COL28A1: variants seen among roughly 807,000 people sequenced by gnomAD.
COL28A1 encodes collagen alpha-1(XXVIII) chain.
A neutral mutation model predicts 150.2 loss-of-function variants in COL28A1; 161 were observed. That is an observed-to-expected ratio of 1.07 (90% CI 0.94 to 1.22). The LOEUF is 1.22. Among genes scored for constraint, COL28A1 ranks in the 50% most tolerant of loss-of-function variants. COL28A1 has a pLI of 0.00. For synonymous variants in COL28A1, 552 were observed against 469.7 expected (o/e 1.18, Z -2.26); for missense variants, 1,617 against 1,388.3 (o/e 1.16, Z -2.62).
At chr7:7,345,283 TA>T in the COL28A1 span, among the ~76,000 whole-genome samples, 6,552 of 151,310 alleles carry the variant, frequency 0.043, 156 homozygotes, top group African/African-American at 0.057. Flanking sequence ...GCAGAAACTT[TA>T]AAAAAAAAGC....
intron 13 of COL28A1, among the ~76,000 whole-genome samples, chr7:7,487,019 A>G (rs1227519527): frequency 6.6e-6 from 1 of 152,200 alleles, no homozygotes; most frequent in Admixed American, 6.5e-5. Context: ...ACTTTACTGT[A>G]TCCATAATGT....
At chr7:7,539,736 C>T (rs1285886610), upstream of COL28A1, among the ~76,000 whole-genome samples, 1 of 152,084 alleles carries the variant, frequency 6.6e-6, no homozygotes, top group Non-Finnish European at 1.5e-5. Flanking sequence ...TTGATCCTTC[C>T]ACATTCCCTC....
At chr7:7,418,398 T>C (rs928965351) in intron 26 of COL28A1, among the ~76,000 whole-genome samples, 15 of 152,328 alleles carry the variant, frequency 9.8e-5, no homozygotes, top group African/African-American at 3.6e-4. Context: ...GGAAAATGTG[T>C]AGATGAAGCT....
At chr7:7,393,230 C>G (rs1782647421) in intron 27 of COL28A1, among the ~76,000 whole-genome samples, 1 of 152,222 alleles carries the variant, frequency 6.6e-6, no homozygotes, top group South Asian at 2.1e-4. Context: ...TGCTGCAGGT[C>G]TGCTGGAGTT....
chr7:7,502,853 A>T (rs1182514487), intron 11 of COL28A1, among the ~76,000 whole-genome samples: 1 of 96,082 alleles, frequency 1.0e-5, no homozygotes, highest in South Asian at 3.2e-4. Flanking sequence ...GCCCGCTACC[A>T]CGCCCGGCTA....
rs765006999 is a variant in COL28A1 at position 7,531,379 on chromosome 7, G to A, written c.650C>T (p.Pro217Leu). The A allele has an allele frequency of 6.4e-7, 1 of 1,571,208 alleles. No homozygotes were observed. Reference protein sequence around the residue: ...SSEPTLLLSDPTLVDKIQDRL... With the variant: ...SSEPTLLLSDLTLVDKIQDRL... ...ATCTTGAATTTTATCTACAAGGGTT[G>A]GATCACTCAACAGTAAAGTGGGTTC... The change falls in exon 3 of 35, where the codon CCA (proline) becomes CTA (leucine). Residue 217 changes from proline (P) to leucine (L), a missense_variant. Pro to Leu is a moderately conservative substitution (Grantham distance 98). Transcript: ENST00000399429.
At chr7:7,464,905 A>C (rs2128341349) in intron 15 of COL28A1, among the ~76,000 whole-genome samples, 1 of 152,336 alleles carries the variant, frequency 6.6e-6, no homozygotes, top group South Asian at 2.1e-4. Flanking sequence ...AGATTAACCA[A>C]GAAAAGAAGG....
At chr7:7,527,811 G>T (rs1338300890) in intron 3 of COL28A1, among the ~76,000 whole-genome samples, 1 of 152,100 alleles carries the variant, frequency 6.6e-6, no homozygotes, top group African/African-American at 2.4e-5. Flanking sequence ...GGAGTATAAG[G>T]TTTATGCTGT....
intron 33 of COL28A1, among the ~76,000 whole-genome samples, chr7:7,365,060 G>A (rs550183792): frequency 6.6e-6 from 1 of 151,968 alleles, no homozygotes; most frequent in African/African-American, 2.4e-5. Flanking sequence ...CTAAAAGTTG[G>A]ATTTAACCAA....
intron 27 of COL28A1, among the ~76,000 whole-genome samples, chr7:7,383,064 A>G (rs996223220): frequency 6.6e-6 from 1 of 152,124 alleles, no homozygotes; most frequent in Non-Finnish European, 1.5e-5. Context: ...CAAAAATCAT[A>G]TAGAATAAAG....
In COL28A1 at chr7:7,437,440, G is replaced by T. The variant is rs1785424620; in HGVS notation, c.1745C>A (p.Pro582His). 6.2e-7 allele frequency: 1 copy of T among 1,613,562 alleles called. No individual in the cohort carries two copies. Among genetic ancestry groups the T allele is most frequent in the Non-Finnish European group, 8.5e-7 (1 of 1,179,872 alleles). ...GPKGEPGIMG[P>H]FGMPGTSIPG... ...AATTGATGTTCCAGGCATTCCAAAA[G>T]GGCCCATAATGCCCGGTTCACCCTT... The change falls in exon 22 of 35, where the codon CCT (proline) becomes CAT (histidine). Residue 582 changes from proline to histidine, a missense_variant. Pro to His is a moderately conservative substitution (Grantham distance 77). Coordinates refer to ENST00000399429, the MANE Select transcript of COL28A1 (RefSeq NM_001037763.3).
At chr7:7,542,160 C>T in the COL28A1 span, among the ~76,000 whole-genome samples, 1 of 152,092 alleles carries the variant, frequency 6.6e-6, no homozygotes, top group Non-Finnish European at 1.5e-5. Flanking sequence ...CCATCCTGGC[C>T]AACATAGTGA....
At chr7:7,424,832 A>G (rs1166265033) in intron 25 of COL28A1, among the ~76,000 whole-genome samples, 10 of 152,172 alleles carry the variant, frequency 6.6e-5, no homozygotes, top group Admixed American at 6.5e-4. Context: ...CAAATTCAGG[A>G]CTGTCTGCAG....
chr7:7,440,323 G>C (rs1158048532), intron 21 of COL28A1, among the ~76,000 whole-genome samples: 3 of 152,280 alleles, frequency 2.0e-5, no homozygotes, highest in East Asian at 1.9e-4. Flanking sequence ...CTGTGAAATA[G>C]AGCATATCGT....
At chr7:7,340,265 A>G in the COL28A1 span, among the ~76,000 whole-genome samples, 3 of 152,194 alleles carry the variant, frequency 2.0e-5, no homozygotes, top group African/African-American at 4.8e-5. Context: ...ATCCATCCCA[A>G]TATTTTTGAA....
intron 25 of COL28A1, among the ~76,000 whole-genome samples, chr7:7,423,117 T>C (rs1172258155): frequency 1.3e-5 from 2 of 152,240 alleles, no homozygotes; most frequent in Non-Finnish European, 2.9e-5. Context: ...AATAGTATTG[T>C]AGTCAAGTTT....
At chr7:7,502,202 G>C (rs1380033832) in intron 11 of COL28A1, among the ~76,000 whole-genome samples, 4 of 152,144 alleles carry the variant, frequency 2.6e-5, no homozygotes, top group African/African-American at 9.6e-5. Flanking sequence ...GCCTGGCTGA[G>C]ATGTTCTTAT....
upstream of COL28A1, among the ~76,000 whole-genome samples, chr7:7,536,789 C>A (rs1253211968): frequency 1.3e-5 from 2 of 152,178 alleles, no homozygotes; most frequent in Admixed American, 6.5e-5. Flanking sequence ...CAATAATAGC[C>A]TCCAATTCAT....
intron 13 of COL28A1, among the ~76,000 whole-genome samples, chr7:7,481,089 T>C (rs1443565347): frequency 1.3e-5 from 2 of 152,224 alleles, no homozygotes; most frequent in African/African-American, 2.4e-5. Context: ...TTTTTACAAA[T>C]AAAAGCAGTC....
Sources: gnomAD v4.1 joint callset for allele counts (sites outside exome capture counted in the v4.1 genomes callset) on GRCh38, gnomAD v4.1.1 for gene constraint, MANE v1.5 for transcripts, NCBI Gene and HGNC (gene_info 2026-07-23, HGNC 2026-07-21) for gene names.